ZNF106: variants seen among roughly 807,000 people sequenced by gnomAD.
ZNF106 encodes the protein SH3-domain binding protein 3.
A neutral mutation model predicts 195.1 loss-of-function variants in ZNF106; 67 were observed. The observed-to-expected ratio is 0.34, with a 90% CI of 0.28 to 0.42. The LOEUF is 0.42. Ranked by LOEUF, ZNF106 falls within the 10% of genes least tolerant of loss-of-function variation. The pLI, the probability that ZNF106 is intolerant of heterozygous loss-of-function variation, is 1.00. For missense variants in ZNF106, 2,118 were observed against 2,304.5 expected, an observed-to-expected ratio of 0.92 and a Z score of 1.66; for synonymous variants, 784 against 818.6, an observed-to-expected ratio of 0.96 and a Z score of 0.72.
At chr15:42,490,648 G>A (rs1449166589) in intron 1 of ZNF106, among the ~76,000 whole-genome samples, 2 of 152,206 alleles carry the variant, frequency 1.3e-5, no homozygotes, top group Admixed American at 6.5e-5. Flanking sequence ...GGGCTTTAAG[G>A]ACCAGGGTCT....
intron 17 of ZNF106, 119 bp from the exon 18 acceptor site, chr15:42,422,739 T>C (rs1324139975): frequency 9.9e-7 from 1 of 1,006,058 alleles, no homozygotes; most frequent in Admixed American, 3.4e-5. Flanking sequence ...ATTAATACAA[T>C]TAATTGTATT....
At chr15:42,452,752 C>G (rs559846387) in intron 4 of ZNF106, among the ~76,000 whole-genome samples, 1 of 131,592 alleles carries the variant, frequency 7.6e-6, no homozygotes, top group Non-Finnish European at 1.5e-5. Context: ...GTGGCACAAT[C>G]TCAGGTCACT....
At chr15:42,482,541 TTTTTTG>T (rs2056925292) in intron 1 of ZNF106, among the ~76,000 whole-genome samples, 1 of 143,302 alleles carries the variant, frequency 7.0e-6, no homozygotes. Context: ...TTTTTTTTTT[TTTTTTG>T]AGATGGAGTC....
intron 5 of ZNF106, among the ~76,000 whole-genome samples, chr15:42,449,261 T>A (rs2055892203): frequency 6.6e-6 from 1 of 152,144 alleles, no homozygotes; most frequent in Non-Finnish European, 1.5e-5. Flanking sequence ...CAACATAAGA[T>A]GAAGAGCCAA....
At chr15:42,477,954 A>T (rs2056819005) in intron 1 of ZNF106, among the ~76,000 whole-genome samples, 2 of 151,992 alleles carry the variant, frequency 1.3e-5, no homozygotes, top group African/African-American at 4.8e-5. Flanking sequence ...GTCACAATTA[A>T]CAAACCAATA....
At chr15:42,464,275 G>A (rs1386151920) in intron 3 of ZNF106, among the ~76,000 whole-genome samples, 2 of 149,012 alleles carry the variant, frequency 1.3e-5, no homozygotes, top group Non-Finnish European at 3.0e-5. Flanking sequence ...GGGAGGCGGA[G>A]GTTGCAGTGA....
At chr15:42,446,029 C>T (rs900563307) in intron 7 of ZNF106, among the ~76,000 whole-genome samples, 2 of 152,218 alleles carry the variant, frequency 1.3e-5, no homozygotes, top group African/African-American at 2.4e-5. Context: ...AGGGCCAACA[C>T]ATTTCATCCC....
chr15:42,441,059 G>A (rs1445369817), intron 10 of ZNF106, among the ~76,000 whole-genome samples: 6 of 110,160 alleles, frequency 5.4e-5, no homozygotes, highest in Non-Finnish European at 7.2e-5. Flanking sequence ...GCTAAGTCAC[G>A]CGCAGTGGCT....
chr15:42,464,702 G>T (rs532218693), intron 3 of ZNF106, among the ~76,000 whole-genome samples: 14 of 151,736 alleles, frequency 9.2e-5, no homozygotes, highest in South Asian at 2.1e-4. Flanking sequence ...AATTTTGGGG[G>T]TTTTTTGTGG....
intron 2 of ZNF106, 53 bp downstream of exon 2, chr15:42,472,183 G>A: frequency 1.4e-6 from 2 of 1,471,818 alleles, no homozygotes; most frequent in Non-Finnish European, 1.8e-6. Context: ...TTAATAACAT[G>A]TCTCTTTAAA....
At chr15:42,473,450 C>T (rs555681452) in intron 1 of ZNF106, among the ~76,000 whole-genome samples, 3 of 152,306 alleles carry the variant, frequency 2.0e-5, no homozygotes, top group South Asian at 4.1e-4. Flanking sequence ...CCCCTCGTTG[C>T]TATTCTTTGT....
At chr15:42,419,024 G>C (rs1200777891) in intron 20 of ZNF106, among the ~76,000 whole-genome samples, 2 of 145,446 alleles carry the variant, frequency 1.4e-5, no homozygotes, top group African/African-American at 5.2e-5. Flanking sequence ...CCAGGAGCTC[G>C]AGACCAGCCT....
Position 42,466,068 on chromosome 15 carries a change from T to G in ZNF106, c.101A>C (p.Glu34Ala). 6.5e-7 allele frequency: 1 copy of G among 1,534,722 alleles called. No individual in the cohort carries two copies. Among genetic ancestry groups the G allele is most frequent in the Non-Finnish European group, 8.7e-7 (1 of 1,146,310 alleles). ...GTTCCCATACCTGCCCTTGAGGTTC[T>G]CAAGTTCCCTGTGATGCAACATGCT... is the stretch of plus-strand genomic sequence containing the variant. ...MRSMLHHRELENLKGRDISHE... is the reference protein window; with the variant it reads ...MRSMLHHRELANLKGRDISHE... The change falls in exon 3 of 22, where the codon GAG (glutamate) becomes GCG (alanine). Residue 34 changes from glutamate to alanine, a missense_variant. Coordinates refer to ENST00000564754, the MANE Select transcript of ZNF106 (RefSeq NM_001366845.3).
Position 42,439,015 on chromosome 15 carries a change from CCAATA to C in ZNF106, c.4544+13_4544+17del. The C allele has an allele frequency of 6.3e-7, 1 of 1,593,254 alleles. No individual in the cohort carries two copies. Among genetic ancestry groups the C allele is most frequent in the Non-Finnish European group, 8.5e-7 (1 of 1,170,662 alleles). ...GTTGGTGAAAGTTGTTCTGACTGGA[CCAATA>C]CAATATTCTTACCTTACAGGGATGC... On this transcript the variant is annotated intron_variant, in intron 11 of 21. Coordinates refer to ENST00000564754, the MANE Select transcript of ZNF106 (RefSeq NM_001366845.3).
chr15:42,460,555 C>T (rs371331147), intron 3 of ZNF106, among the ~76,000 whole-genome samples: 3 of 152,172 alleles, frequency 2.0e-5, no homozygotes, highest in African/African-American at 4.8e-5. Context: ...GAAGGGCATA[C>T]GCAATAAGTG....
chr15:42,432,421 A>C (rs1356705035), intron 14 of ZNF106, among the ~76,000 whole-genome samples: 2 of 152,154 alleles, frequency 1.3e-5, no homozygotes, highest in African/African-American at 4.8e-5. Flanking sequence ...AGCCTCCCAA[A>C]GTGGGATACA....
In ZNF106 at chr15:42,450,244, T is replaced by C. The variant is rs1314145289; in HGVS notation, c.2028A>G (p.Glu676=). 6.2e-7 allele frequency: 1 copy of C among 1,614,214 alleles called. No homozygotes were observed. Among genetic ancestry groups the C allele is most frequent in the Middle Eastern group, 1.6e-4 (1 of 6,062 alleles). The part of the protein sequence containing the change: ...CNPIVRQKES[E]LQMTSAASPH... ...GACTGGCTGCAGATGTCATTTGTAATTCAGATTCTTTCTGGCGAACTATGG... is the reference window on the plus strand; with the variant it reads ...GACTGGCTGCAGATGTCATTTGTAACTCAGATTCTTTCTGGCGAACTATGG... The change falls in exon 5 of 22, where the codon GAA becomes GAG. Residue 676 remains glutamate, a synonymous_variant. Transcript: ENST00000564754.
Position 42,477,898 on chromosome 15 carries a change from A to C in ZNF106, c.-32-5577T>G, listed in dbSNP as rs200694247. Among the ~76,000 whole-genome samples, 7 of 151,300 alleles carry C rather than the reference A, an allele frequency of 4.6e-5. No homozygotes were observed. The South Asian group carries it at 1.1e-3, about 23-fold the overall frequency. Reference sequence around the variant, plus strand: ...AGAGTGAAACTCAGCCTCAAAAAAAACAAAAAAAAACAAACAAAAAAAACT... The same window carrying C: ...AGAGTGAAACTCAGCCTCAAAAAAACCAAAAAAAAACAAACAAAAAAAACT... On this transcript the variant is annotated intron_variant, in intron 1 of 21. Coordinates refer to ENST00000564754, the MANE Select transcript of ZNF106 (RefSeq NM_001366845.3).
chr15:42,427,816 C>T, intron 15 of ZNF106: 2 of 411,926 alleles, frequency 4.9e-6, no homozygotes, highest in East Asian at 3.8e-5. Context: ...CATTTTGGTC[C>T]TGGAACATTT....
Sources: gnomAD v4.1 joint callset for allele counts (sites outside exome capture counted in the v4.1 genomes callset) on GRCh38, gnomAD v4.1.1 for gene constraint, MANE v1.5 for transcripts, NCBI Gene and HGNC (gene_info 2026-07-23, HGNC 2026-07-21) for gene names.